SLC44A1: variants seen among roughly 807,000 people sequenced by gnomAD.
SLC44A1 encodes choline transporter-like protein 1.
A neutral mutation model predicts 79.3 loss-of-function variants in SLC44A1; 26 were observed. That is an observed-to-expected ratio of 0.33 (90% CI 0.24 to 0.46). The LOEUF is 0.46. Among genes scored for constraint, SLC44A1 ranks in the 20% least tolerant of loss-of-function variants. SLC44A1 has a pLI of 1.00. For missense variants in SLC44A1, 688 were observed against 798.1 expected, an observed-to-expected ratio of 0.86 and a Z score of 1.66; for synonymous variants, 263 against 286.2, an observed-to-expected ratio of 0.92 and a Z score of 0.82.
intron 1 of SLC44A1, among the ~76,000 whole-genome samples, chr9:105,260,904 T>TCC (rs1829824120): frequency 6.6e-6 from 1 of 152,140 alleles, no homozygotes; most frequent in African/African-American, 2.4e-5. Context: ...AGGATAGGGA[T>TCC]GATGGGCCAA....
At position 105,391,348 on chromosome 9, in the gene SLC44A1, G is replaced by A; in HGVS notation, c.*2292G>A. The A allele has an allele frequency of 2.0e-6, 2 of 984,706 alleles. No individual in the cohort carries two copies. The highest frequency in any genetic ancestry group is 2.4e-6 in the Non-Finnish European group (2 of 828,934). 61.0% of individuals were successfully genotyped at this position (984,706 alleles called of 1,614,324 possible). ...TTTTGTATTTTTGTATAACTTGATTGTGTGCCATTTTATATAACAGGTCCT... is the reference window on the plus strand; with the variant it reads ...TTTTGTATTTTTGTATAACTTGATTATGTGCCATTTTATATAACAGGTCCT... On this transcript the variant is annotated 3_prime_UTR_variant, in exon 16 of 16. Transcript: ENST00000374720.
intron 3 of SLC44A1, among the ~76,000 whole-genome samples, chr9:105,334,256 G>A (rs1264781849): frequency 2.2e-5 from 3 of 138,052 alleles, no homozygotes; most frequent in East Asian, 2.1e-4. Context: ...TTTTTTTTTC[G>A]TTTGGTAAGT....
At chr9:105,264,513 C>T (rs966205802) in intron 1 of SLC44A1, among the ~76,000 whole-genome samples, 17 of 152,122 alleles carry the variant, frequency 1.1e-4, no homozygotes, top group Admixed American at 3.9e-4. Flanking sequence ...TCTTAACAGC[C>T]GAGTCATGTA....
intron 5 of SLC44A1, among the ~76,000 whole-genome samples, chr9:105,350,037 G>A (rs1827357123): frequency 6.6e-6 from 1 of 152,188 alleles, no homozygotes; most frequent in African/African-American, 2.4e-5. Context: ...TATTAGGGGA[G>A]AAGATTTTAG....
chr9:105,385,825 T>C (rs1466722246), intron 15 of SLC44A1: 45 of 985,336 alleles, frequency 4.6e-5, no homozygotes, highest in Non-Finnish European at 5.4e-5. Flanking sequence ...AGTGTTTGGC[T>C]TTCATCAGAC....
At chr9:105,418,263 G>A (rs565899516) in intron 15 of SLC44A1, among the ~76,000 whole-genome samples, 4 of 143,214 alleles carry the variant, frequency 2.8e-5, no homozygotes, top group South Asian at 2.2e-4. Context: ...GCAGCGAGCC[G>A]AGATTGCGCC....
intron 15 of SLC44A1, among the ~76,000 whole-genome samples, chr9:105,387,052 A>AT (rs1420631281): frequency 0.068 from 86 of 1,258 alleles, 3 homozygotes; most frequent in African/African-American, 0.11. Flanking sequence ...AAAAAAAAAA[A>AT]AAAAAAAAAT....
intron 1 of SLC44A1, among the ~76,000 whole-genome samples, chr9:105,251,263 G>A (rs2131194585): frequency 6.6e-6 from 1 of 152,248 alleles, no homozygotes; most frequent in East Asian, 1.9e-4. Context: ...TGCCCTGGTT[G>A]TGGAAACTGG....
Position 105,252,288 on chromosome 9 carries a change from GTTTGCTTTGT to G in SLC44A1, c.36+7387_36+7396del, listed in dbSNP as rs532603351. On this transcript the variant is annotated intron_variant, in intron 1 of 15. Coordinates refer to ENST00000374720, the MANE Select transcript of SLC44A1 (RefSeq NM_080546.5). ...CTGAGTTGATGAAGAGAGGGGCCGT[GTTTGCTTTGT>G]TTATTGCCATCTTGGTGCTTAGCTG... 2.0e-3 allele frequency among the ~76,000 whole-genome samples: 303 copies of G among 152,246 alleles called. 3 individuals carry two copies. The highest frequency in any genetic ancestry group is 6.7e-3 in the African/African-American group (280 of 41,570).
chr9:105,261,659 A>G (rs769065496), intron 1 of SLC44A1, among the ~76,000 whole-genome samples: 2 of 152,190 alleles, frequency 1.3e-5, no homozygotes, highest in East Asian at 1.9e-4. Flanking sequence ...ACTGGGCTCA[A>G]CAAAGAATGA....
intron 1 of SLC44A1, among the ~76,000 whole-genome samples, chr9:105,272,215 A>C (rs1013305691): frequency 6.6e-6 from 1 of 152,142 alleles, no homozygotes; most frequent in Non-Finnish European, 1.5e-5. Context: ...TAACTTTTTT[A>C]ATTGTACACC....
intron 12 of SLC44A1, among the ~76,000 whole-genome samples, chr9:105,368,374 A>G (rs774410430): frequency 9.2e-5 from 14 of 152,158 alleles, no homozygotes; most frequent in Non-Finnish European, 1.5e-4. Context: ...AAGTGCTACA[A>G]TGTGGGGACT....
intron 15 of SLC44A1, among the ~76,000 whole-genome samples, chr9:105,403,304 G>T (rs900000847): frequency 2.0e-5 from 3 of 152,020 alleles, no homozygotes; most frequent in African/African-American, 4.8e-5. Context: ...GTAGAAGAAG[G>T]TTTATGCATT....
Position 105,404,233 on chromosome 9 carries a change from C to CAAAA in SLC44A1, c.1950+18750_1950+18753dup, listed in dbSNP as rs71489339. 8.9e-3 allele frequency among the ~76,000 whole-genome samples: 387 copies of CAAAA among 43,654 alleles called. 10 individuals are homozygous for CAAAA. The highest frequency in any genetic ancestry group is 0.021 in the African/African-American group (316 of 15,078). The allele number at this position is 43,654 out of a possible 152,430, so 28.6% of individuals were successfully genotyped here. ...CTGGGTGACAGAGCAGGACTCATCTCAAAAAAAAAAAAAAAAAAAAAAGAA... is the reference window on the plus strand; with the variant it reads ...CTGGGTGACAGAGCAGGACTCATCTCAAAAAAAAAAAAAAAAAAAAAAAAAAGAA... On this transcript the variant is annotated intron_variant, in intron 15 of 15. Transcript: ENST00000374724.
intron 1 of SLC44A1, among the ~76,000 whole-genome samples, chr9:105,251,747 C>T (rs1241787307): frequency 1.3e-5 from 2 of 152,098 alleles, no homozygotes; most frequent in Non-Finnish European, 2.9e-5. Context: ...TGCTTTGCTC[C>T]CTGGCTTTTG....
chr9:105,341,301 C>T (rs1431312631), intron 4 of SLC44A1, among the ~76,000 whole-genome samples: 1 of 147,320 alleles, frequency 6.8e-6, no homozygotes, highest in Non-Finnish European at 1.5e-5. Context: ...TGCCACTGCA[C>T]TCCAGCCTGG....
chr9:105,321,637 C>T (rs1180592081), intron 3 of SLC44A1, among the ~76,000 whole-genome samples: 1 of 152,002 alleles, frequency 6.6e-6, no homozygotes, highest in Non-Finnish European at 1.5e-5. Flanking sequence ...TCAACAAAAA[C>T]GTATCTTGAA....
chr9:105,252,676 T>C (rs1829617061), intron 1 of SLC44A1, among the ~76,000 whole-genome samples: 1 of 152,344 alleles, frequency 6.6e-6, no homozygotes, highest in South Asian at 2.1e-4. Context: ...TGAGACTTTA[T>C]GGCAAGCGTT....
intron 2 of SLC44A1, among the ~76,000 whole-genome samples, chr9:105,305,641 G>A (rs956717701): frequency 5.3e-5 from 8 of 152,054 alleles, no homozygotes; most frequent in Non-Finnish European, 1.2e-4. Context: ...CACAGGAGAG[G>A]GCTTTAAGCA....
Sources: allele counts gnomAD v4.1 joint callset (sites outside exome capture counted in the v4.1 genomes callset), GRCh38; gene constraint gnomAD v4.1.1; transcripts MANE v1.5; gene names NCBI Gene and HGNC (gene_info 2026-07-23, HGNC 2026-07-21).